Variants in YAP1 observed in about 807,000 individuals in gnomAD.
YAP1 encodes Yes1 associated transcriptional regulator.
A neutral mutation model predicts 56.9 loss-of-function variants in YAP1; 5 were observed. The ratio of observed to expected loss-of-function variants is 0.09; its 90% CI spans 0.05 to 0.18. The LOEUF (loss-of-function observed/expected upper bound fraction) is 0.18. Ranked by LOEUF, YAP1 falls within the 10% of genes least tolerant of loss-of-function variation. YAP1 has a pLI of 1.00. For synonymous variants in YAP1, 265 were observed against 248.1 expected (o/e 1.07, Z -0.64); for missense variants, 539 against 651.8 (o/e 0.83, Z 1.88).
chr11:102,200,715 G>A (rs1271033599), intron 4 of YAP1, among the ~76,000 whole-genome samples: 1 of 152,080 alleles, frequency 6.6e-6, no homozygotes, highest in Admixed American at 6.5e-5. Context: ...AAAGTGCTGG[G>A]ATTACAGGCA....
At chr11:102,222,256 T>C (rs1379503177) in intron 6 of YAP1, among the ~76,000 whole-genome samples, 4 of 152,158 alleles carry the variant, frequency 2.6e-5, no homozygotes, top group Non-Finnish European at 5.9e-5. Flanking sequence ...GCCAGTATCC[T>C]TTGTGATAAG....
chr11:102,141,054 C>A (rs189488969), intron 2 of YAP1, among the ~76,000 whole-genome samples: 1 of 152,100 alleles, frequency 6.6e-6, no homozygotes, highest in Non-Finnish European at 1.5e-5. Context: ...GTGCCTCACC[C>A]CCATCTTTTC....
At chr11:102,172,311 T>C (rs939251364) in intron 3 of YAP1, among the ~76,000 whole-genome samples, 3 of 137,944 alleles carry the variant, frequency 2.2e-5, no homozygotes, top group African/African-American at 8.4e-5. Flanking sequence ...TTTTTTTTTT[T>C]TTTTTTTTTT....
At chr11:102,135,539 G>A (rs56354616) in intron 2 of YAP1, among the ~76,000 whole-genome samples, 2,004 of 152,240 alleles carry the variant, frequency 0.013, 19 homozygotes, top group South Asian at 0.021. Flanking sequence ...CTAGCATTGC[G>A]GTCTGAAGGC....
chr11:102,221,699 G>A (rs1162847260), intron 6 of YAP1, among the ~76,000 whole-genome samples: 1 of 151,594 alleles, frequency 6.6e-6, no homozygotes. Context: ...TTCCAGATTG[G>A]GTGACAGAGT....
intron 6 of YAP1, among the ~76,000 whole-genome samples, chr11:102,220,598 A>G (rs949719880): frequency 4.6e-5 from 7 of 151,370 alleles, no homozygotes; most frequent in South Asian, 2.1e-4. Context: ...AGGGAAGGAG[A>G]AAAAAAAATA....
chr11:102,193,539 C>T (rs1214762100), intron 4 of YAP1, among the ~76,000 whole-genome samples: 2 of 152,182 alleles, frequency 1.3e-5, no homozygotes, highest in Non-Finnish European at 2.9e-5. Context: ...TAAGCAATCT[C>T]TCCTGTACTA....
intron 2 of YAP1, among the ~76,000 whole-genome samples, chr11:102,131,261 A>C (rs1014180692): frequency 6.6e-6 from 1 of 152,202 alleles, no homozygotes; most frequent in East Asian, 1.9e-4. Flanking sequence ...TCTTCCTGCC[A>C]TTCTTTTCTG....
At chr11:102,149,692 A>G (rs1022787573) in intron 2 of YAP1, among the ~76,000 whole-genome samples, 2 of 152,220 alleles carry the variant, frequency 1.3e-5, no homozygotes, top group Non-Finnish European at 1.5e-5. Flanking sequence ...AAAAGTAGGA[A>G]GGATTTGTTT....
intron 6 of YAP1, among the ~76,000 whole-genome samples, chr11:102,221,495 G>A (rs1173818725): frequency 6.6e-6 from 1 of 152,128 alleles, no homozygotes; most frequent in Non-Finnish European, 1.5e-5. Context: ...CGGCCAAGGA[G>A]GGTAGATCAT....
chr11:102,116,208 T>C (rs1591108149), intron 2 of YAP1, among the ~76,000 whole-genome samples: 1 of 152,236 alleles, frequency 6.6e-6, no homozygotes, highest in East Asian at 1.9e-4. Flanking sequence ...ATGTACAAAC[T>C]TTTTTCCTTG....
chr11:102,166,444 A>T (rs1485279125), intron 3 of YAP1, among the ~76,000 whole-genome samples: 1 of 152,246 alleles, frequency 6.6e-6, no homozygotes, highest in African/African-American at 2.4e-5. Context: ...ATAAGGTTTC[A>T]GTAAGCAAAA....
At chr11:102,212,461 G>A (rs1949448531) in intron 6 of YAP1, among the ~76,000 whole-genome samples, 1 of 151,974 alleles carries the variant, frequency 6.6e-6, no homozygotes, top group Admixed American at 6.6e-5. Flanking sequence ...AAACTTTAAA[G>A]GCATTTATAT....
chr11:102,116,767 T>A (rs1489035021), intron 2 of YAP1, among the ~76,000 whole-genome samples: 5 of 152,136 alleles, frequency 3.3e-5, no homozygotes, highest in African/African-American at 1.2e-4. Flanking sequence ...ATATAAGAAA[T>A]GTGAGGAATT....
chr11:102,167,489 C>T (rs543029040), intron 3 of YAP1, among the ~76,000 whole-genome samples: 2 of 152,304 alleles, frequency 1.3e-5, no homozygotes, highest in South Asian at 2.1e-4. Flanking sequence ...AATCCCAGAA[C>T]TTTGGGAGGC....
intron 1 of YAP1, chr11:102,112,304 G>T: frequency 6.7e-6 from 5 of 742,138 alleles, no homozygotes; most frequent in Non-Finnish European, 6.6e-6. Context: ...TTCGATTATT[G>T]TGCCAACTTG....
In YAP1 at chr11:102,223,693, C is replaced by T. The variant is rs61749258; in HGVS notation, c.1104C>T (p.Pro368=). 13,175 of 1,614,076 alleles carry T rather than the reference C, an allele frequency of 8.2e-3. 60 individuals carry two copies. The highest frequency in any genetic ancestry group is 1.0e-2 in the Non-Finnish European group (11,744 of 1,179,984). ...DGGTQNPVSS[P]GMSQELRTMT... is the part of the protein sequence containing the mutation. ...GGACTCAAAATCCAGTGTCTTCTCCCGGGATGTCTCAGGAATTGAGAACAA... is the reference window on the plus strand; with the variant it reads ...GGACTCAAAATCCAGTGTCTTCTCCTGGGATGTCTCAGGAATTGAGAACAA... The change falls in exon 7 of 9, where the codon CCC becomes CCT. Residue 368 remains proline, a synonymous_variant. Transcript: ENST00000282441.
intron 2 of YAP1, among the ~76,000 whole-genome samples, chr11:102,135,256 T>C (rs988910493): frequency 2.0e-5 from 3 of 152,220 alleles, no homozygotes; most frequent in Admixed American, 1.3e-4. Flanking sequence ...TTCTTTCAGT[T>C]ACCTACTACT....
At chr11:102,177,053 G>C (rs2135465163) in intron 3 of YAP1, among the ~76,000 whole-genome samples, 1 of 152,276 alleles carries the variant, frequency 6.6e-6, no homozygotes, top group South Asian at 2.1e-4. Context: ...GGATGAGAGG[G>C]AGTTAGCTAA....
Sources: gnomAD v4.1 joint callset for allele counts (sites outside exome capture counted in the v4.1 genomes callset) on GRCh38, gnomAD v4.1.1 for gene constraint, MANE v1.5 for transcripts, NCBI Gene and HGNC (gene_info 2026-07-23, HGNC 2026-07-21) for gene names.